The following ACSS3 variants were observed in gnomAD, a reference collection of about 807,000 sequenced individuals.
The protein encoded by ACSS3 is acyl-CoA synthetase short-chain family member 3, mitochondrial.
Under a neutral mutation model 84.2 loss-of-function variants are expected in ACSS3, and 64 were observed. The ratio of observed to expected loss-of-function variants is 0.76; its 90% CI spans 0.62 to 0.94. The LOEUF is 0.94. ACSS3 is among the 40% of genes least tolerant of loss of function. ACSS3 has a pLI of 0.00. For synonymous variants in ACSS3, 317 were observed against 310.1 expected (o/e 1.02, Z -0.23); for missense variants, 815 against 867.6 (o/e 0.94, Z 0.76).
At position 81,082,612 on chromosome 12, in the gene ACSS3, C is replaced by T. The variant is rs553323140; in HGVS notation, c.311+4181C>T. ...GACTTAAGAAATGACAGAAAATTAT[C>T]TTGAGATGGAAGGAGAGAGCCATAT... On this transcript the variant is annotated intron_variant, in intron 1 of 15. Coordinates refer to ENST00000548058, the MANE Select transcript of ACSS3 (RefSeq NM_024560.4). Among the ~76,000 whole-genome samples the T allele has an allele frequency of 9.9e-5, 15 of 152,272 alleles. 1 individual carries two copies. The South Asian group carries it at 2.1e-3, about 21-fold the overall frequency.
chr12:81,227,752 G>A (rs1015281207), intron 11 of ACSS3, among the ~76,000 whole-genome samples: 12 of 151,778 alleles, frequency 7.9e-5, no homozygotes, highest in African/African-American at 2.9e-4. Context: ...TGTACAAAAT[G>A]TCTACCACAT....
intron 8 of ACSS3, among the ~76,000 whole-genome samples, chr12:81,192,393 A>G (rs939625646): frequency 1.4e-5 from 2 of 146,940 alleles, no homozygotes; most frequent in Non-Finnish European, 1.6e-5. Context: ...AAAAAAGCAA[A>G]CAAACAAACA....
chr12:81,124,334 T>C (rs1884897006), intron 2 of ACSS3: 1 of 152,202 alleles, frequency 6.6e-6, no homozygotes, highest in Non-Finnish European at 1.5e-5. Context: ...AAGGGTCTCT[T>C]CTGTGTTCAC....
chr12:81,110,462 A>G (rs1007921737), intron 2 of ACSS3, among the ~76,000 whole-genome samples: 1 of 152,220 alleles, frequency 6.6e-6, no homozygotes, highest in African/African-American at 2.4e-5. Flanking sequence ...TAGGGTAGAA[A>G]TAAGGCCTCA....
At chr12:81,148,762 A>G (rs1886463470) in intron 5 of ACSS3, among the ~76,000 whole-genome samples, 1 of 151,936 alleles carries the variant, frequency 6.6e-6, no homozygotes, top group Admixed American at 6.6e-5. Context: ...AGGTAGGTAG[A>G]GTATAAGTAC....
intron 13 of ACSS3, among the ~76,000 whole-genome samples, chr12:81,249,557 T>G (rs2034088622): frequency 6.6e-6 from 1 of 152,078 alleles, no homozygotes; most frequent in Admixed American, 6.5e-5. Flanking sequence ...GGAATGATTC[T>G]TCAACATTGA....
chr12:81,137,322 C>CAT (rs1491385428), intron 3 of ACSS3, among the ~76,000 whole-genome samples: 1 of 24,448 alleles, frequency 4.1e-5, no homozygotes, highest in Non-Finnish European at 8.4e-5. Flanking sequence ...TTTCATCCAT[C>CAT]ACACACACAC....
intron 5 of ACSS3, among the ~76,000 whole-genome samples, chr12:81,150,427 T>C (rs778646649): frequency 2.6e-5 from 4 of 152,172 alleles, no homozygotes; most frequent in Non-Finnish European, 4.4e-5. Flanking sequence ...TAGGAAAAGA[T>C]CTTCTCAATA....
At position 81,130,816 on chromosome 12, in the gene ACSS3, G is replaced by T. The variant is rs1420480067; in HGVS notation, c.457-4000G>T. On this transcript the variant is annotated intron_variant, in intron 2 of 15. Coordinates refer to ENST00000548058, the MANE Select transcript of ACSS3 (RefSeq NM_024560.4). ...AATTAATTTTTGTATAACGTGTAAGGAAGGGATGCAGTTTCAGCTTTCTAC... is the reference window on the plus strand; with the variant it reads ...AATTAATTTTTGTATAACGTGTAAGTAAGGGATGCAGTTTCAGCTTTCTAC... Among the ~76,000 whole-genome samples, 5 of 152,282 alleles carry T rather than the reference G, an allele frequency of 3.3e-5. No individual in the cohort carries two copies. The East Asian group carries it at 5.8e-4, about 18-fold the overall frequency.
intron 8 of ACSS3, among the ~76,000 whole-genome samples, chr12:81,191,164 G>A (rs938603916): frequency 2.0e-5 from 3 of 151,918 alleles, no homozygotes; most frequent in African/African-American, 4.8e-5. Flanking sequence ...CTTTAAAATT[G>A]ATGAACCTAT....
intron 11 of ACSS3, among the ~76,000 whole-genome samples, chr12:81,228,861 G>A (rs764020984): frequency 6.6e-6 from 1 of 151,518 alleles, no homozygotes; most frequent in African/African-American, 2.4e-5. Context: ...GGACCAAAAT[G>A]TTTGATTTGG....
At chr12:81,211,063 C>T (rs1358675331) in intron 9 of ACSS3, among the ~76,000 whole-genome samples, 1 of 151,882 alleles carries the variant, frequency 6.6e-6, no homozygotes, top group Non-Finnish European at 1.5e-5. Flanking sequence ...AGTTCACAGA[C>T]TCAAGTGATC....
intron 2 of ACSS3, among the ~76,000 whole-genome samples, chr12:81,111,325 C>G (rs1004359927): frequency 1.3e-5 from 2 of 152,144 alleles, no homozygotes; most frequent in Non-Finnish European, 2.9e-5. Context: ...CTATTGACTC[C>G]AGTGGGGATG....
intron 8 of ACSS3, among the ~76,000 whole-genome samples, chr12:81,193,526 A>G (rs937988730): frequency 2.0e-5 from 3 of 151,980 alleles, no homozygotes; most frequent in South Asian, 4.1e-4. Flanking sequence ...GGAAAGGTGC[A>G]TAGGTCTCAT....
At chr12:81,164,164 C>A (rs150172100) in intron 7 of ACSS3, among the ~76,000 whole-genome samples, 1 of 152,064 alleles carries the variant, frequency 6.6e-6, no homozygotes, top group Admixed American at 6.6e-5. Flanking sequence ...TCTTTTATAC[C>A]ATATTTTTAC....
intron 2 of ACSS3, among the ~76,000 whole-genome samples, chr12:81,115,678 T>C (rs925814307): frequency 7.9e-5 from 12 of 152,142 alleles, no homozygotes; most frequent in Non-Finnish European, 1.6e-4. Context: ...TAGCATGCCA[T>C]GTTTTGAAGT....
At chr12:81,158,831 G>A (rs777386494) in intron 7 of ACSS3, among the ~76,000 whole-genome samples, 10 of 152,050 alleles carry the variant, frequency 6.6e-5, no homozygotes, top group Non-Finnish European at 1.5e-4. Context: ...TTTTCCCTTG[G>A]TGGTTTGTAT....
chr12:81,221,523 G>T (rs2033107882), intron 11 of ACSS3, among the ~76,000 whole-genome samples: 2 of 152,040 alleles, frequency 1.3e-5, no homozygotes, highest in Admixed American at 6.6e-5. Context: ...CTAATAGAAA[G>T]CATACAAGTT....
chr12:81,208,581 T>C (rs1187905203), intron 9 of ACSS3, among the ~76,000 whole-genome samples: 2 of 152,160 alleles, frequency 1.3e-5, no homozygotes, highest in African/African-American at 4.8e-5. Context: ...ATCTGATTTA[T>C]TGCTTTGGGT....
Sources: allele counts gnomAD v4.1 joint callset (sites outside exome capture counted in the v4.1 genomes callset), GRCh38; gene constraint gnomAD v4.1.1; transcripts MANE v1.5; gene names NCBI Gene and HGNC (gene_info 2026-07-23, HGNC 2026-07-21).